The following MLIP variants were observed in gnomAD, a reference collection of about 807,000 sequenced individuals.
MLIP encodes muscular LMNA-interacting protein.
MLIP carries 79 observed loss-of-function variants against 84.8 expected under a neutral mutation model. The ratio of observed to expected loss-of-function variants is 0.93; its 90% CI spans 0.78 to 1.12. MLIP has a LOEUF of 1.12. MLIP is among the 50% of genes most tolerant of loss of function. The probability of loss-of-function intolerance (pLI) is 0.00; values close to 1 mark genes in which losing one functional copy is unlikely to be tolerated. For missense variants in MLIP, 1,257 were observed against 1,160.6 expected (o/e 1.08, Z -1.21); for synonymous variants, 504 against 463.0 (o/e 1.09, Z -1.14).
At chr6:54,237,171 G>C (rs1781420334) in intron 12 of MLIP, among the ~76,000 whole-genome samples, 1 of 151,768 alleles carries the variant, frequency 6.6e-6, no homozygotes, top group South Asian at 2.1e-4. Context: ...AGAGGCATCT[G>C]GTAAAGGGTG....
At chr6:54,164,546 A>G (rs934486212) in intron 8 of MLIP, among the ~76,000 whole-genome samples, 5 of 151,970 alleles carry the variant, frequency 3.3e-5, no homozygotes, top group African/African-American at 9.7e-5. Context: ...GAATCCAATC[A>G]TATAATTACT....
At chr6:54,153,197 AT>A (rs570398731) in intron 5 of MLIP, among the ~76,000 whole-genome samples, 2,015 of 150,014 alleles carry the variant, frequency 0.013, 51 homozygotes, top group African/African-American at 0.044. Context: ...TAGGAAAAAC[AT>A]TTTTTTTTGG....
chr6:54,144,269 A>G (rs6458979), intron 4 of MLIP, among the ~76,000 whole-genome samples: 16,200 of 152,262 alleles, frequency 0.11, 1,035 homozygotes, highest in Non-Finnish European at 0.15. Flanking sequence ...CAGAAAGTGT[A>G]CATGTAGAGT....
At position 54,223,164 on chromosome 6, in the gene MLIP, T is replaced by C. The variant is rs79749487; in HGVS notation, c.2719-7550T>C. On this transcript the variant is annotated intron_variant, in intron 11 of 13. Transcript: ENST00000502396. ...CTTTTATATAGACAGTTTGCAAATA[T>C]TTTCTTCCTATATACTGTAGGTTGC... is the stretch of plus-strand genomic sequence containing the variant. Among the ~76,000 whole-genome samples, 850 of 152,106 alleles carry C rather than the reference T, an allele frequency of 5.6e-3. 11 individuals are homozygous for C. The highest frequency in any genetic ancestry group is 0.018 in the African/African-American group (753 of 41,536).
At chr6:54,075,486 T>C (rs1441461126) in intron 1 of MLIP, among the ~76,000 whole-genome samples, 1 of 152,202 alleles carries the variant, frequency 6.6e-6, no homozygotes, top group Non-Finnish European at 1.5e-5. Context: ...ATAAATAGGT[T>C]GCTAATATAT....
chr6:54,043,337 A>AT (rs1459915323), intron 1 of MLIP: 2 of 5,814 alleles, frequency 3.4e-4, no homozygotes, highest in African/African-American at 4.8e-4. Context: ...TTTTAAATGA[A>AT]TAAGAGCTGC....
At chr6:54,203,764 T>A (rs1471568943) in intron 11 of MLIP, 2 of 152,340 alleles carry the variant, frequency 1.3e-5, no homozygotes, top group African/African-American at 4.8e-5. Flanking sequence ...TTTTGTAATT[T>A]TAGTAGAGAC....
At chr6:54,160,456 CT>C in intron 6 of MLIP, 24 bp downstream of exon 6, 3 of 1,611,460 alleles carry the variant, frequency 1.9e-6, no homozygotes, top group Non-Finnish European at 2.5e-6. Context: ...ATTACCCCTG[CT>C]TTTGGTATGC....
intron 1 of MLIP, among the ~76,000 whole-genome samples, chr6:54,114,619 T>C (rs1769750488): frequency 6.6e-6 from 1 of 152,220 alleles, no homozygotes; most frequent in Non-Finnish European, 1.5e-5. Context: ...GTTATTGCAA[T>C]AGACTTATAG....
chr6:54,123,782 A>G (rs1770671741), intron 2 of MLIP, among the ~76,000 whole-genome samples: 1 of 152,252 alleles, frequency 6.6e-6, no homozygotes, highest in Non-Finnish European at 1.5e-5. Flanking sequence ...TGGCTGTCAT[A>G]GTTTTAGAAA....
At chr6:54,125,615 T>G (rs1770858504) in intron 3 of MLIP, among the ~76,000 whole-genome samples, 1 of 152,160 alleles carries the variant, frequency 6.6e-6, no homozygotes, top group Admixed American at 6.5e-5. Context: ...TTTGCTATAA[T>G]GAAAATGTAA....
At chr6:54,202,303 T>C in intron 11 of MLIP, 70 bp downstream of exon 11, 1 of 760,100 alleles carries the variant, frequency 1.3e-6, no homozygotes, top group Non-Finnish European at 1.7e-6. Flanking sequence ...TATATAAATA[T>C]ATAAATATAT....
At chr6:54,216,888 A>G (rs1393783008) in intron 11 of MLIP, 5 of 985,156 alleles carry the variant, frequency 5.1e-6, no homozygotes, top group Non-Finnish European at 6.0e-6. Context: ...TGCTGTCTGT[A>G]AAGTGTTGGT....
intron 11 of MLIP, among the ~76,000 whole-genome samples, chr6:54,224,422 GA>G (rs113378665): frequency 1.3e-4 from 19 of 143,602 alleles, no homozygotes; most frequent in Admixed American, 6.3e-4. Flanking sequence ...AAGAAAAACT[GA>G]AAAAAAAAAT....
chr6:54,037,688 G>A (rs907531754), intron 1 of MLIP, among the ~76,000 whole-genome samples: 1 of 151,936 alleles, frequency 6.6e-6, no homozygotes, highest in Non-Finnish European at 1.5e-5. Context: ...AAGGTCAGCA[G>A]CCTAGGGTTA....
At chr6:54,154,939 CA>C (rs2150543713) in intron 5 of MLIP, among the ~76,000 whole-genome samples, 1 of 151,832 alleles carries the variant, frequency 6.6e-6, no homozygotes, top group Admixed American at 6.6e-5. Flanking sequence ...TAATTGAATG[CA>C]AAAAAGTATA....
intron 12 of MLIP, among the ~76,000 whole-genome samples, chr6:54,251,545 G>C (rs1481014806): frequency 1.3e-5 from 1 of 75,490 alleles, no homozygotes; most frequent in African/African-American, 1.0e-4. Context: ...ATAATATATA[G>C]TATATATAGT....
intron 10 of MLIP, among the ~76,000 whole-genome samples, chr6:54,201,441 A>G (rs1471035296): frequency 1.3e-5 from 2 of 152,106 alleles, no homozygotes; most frequent in East Asian, 3.8e-4. Context: ...ACTTTGCTCT[A>G]ACCTTCTTGA....
At chr6:54,034,592 A>G (rs1581997962) in intron 1 of MLIP, among the ~76,000 whole-genome samples, 1 of 152,196 alleles carries the variant, frequency 6.6e-6, no homozygotes, top group East Asian at 1.9e-4. Context: ...TTATAGACTA[A>G]GGATAAGAAG....
Sources: allele counts gnomAD v4.1 joint callset (sites outside exome capture counted in the v4.1 genomes callset), GRCh38; gene constraint gnomAD v4.1.1; transcripts MANE v1.5; gene names NCBI Gene and HGNC (gene_info 2026-07-23, HGNC 2026-07-21).